Variants in BTAF1 observed in about 807,000 individuals in gnomAD.
BTAF1 encodes B-TFIID TATA-box binding protein associated factor 1.
In BTAF1, 38 loss-of-function variants were observed where a neutral mutation model predicts 227.1. The observed-to-expected ratio is 0.17, with a 90% CI of 0.13 to 0.22. The LOEUF (loss-of-function observed/expected upper bound fraction) is 0.22, where lower values mean the gene tolerates loss of function less well. BTAF1 is among the 10% of genes least tolerant of loss of function. BTAF1 has a pLI of 1.00. For missense variants in BTAF1, 1,598 were observed against 2,204.0 expected (o/e 0.73, Z 5.51); for synonymous variants, 742 against 751.9 (o/e 0.99, Z 0.21).
intron 25 of BTAF1, among the ~76,000 whole-genome samples, chr10:92,006,835 T>G (rs1174550455): frequency 6.6e-6 from 1 of 152,218 alleles, no homozygotes; most frequent in African/African-American, 2.4e-5. Context: ...TTAATATACT[T>G]TCTTTCTCCT....
At chr10:91,926,536 A>G (rs1298603927) in intron 1 of BTAF1, among the ~76,000 whole-genome samples, 1 of 152,134 alleles carries the variant, frequency 6.6e-6, no homozygotes, top group Non-Finnish European at 1.5e-5. Flanking sequence ...TATACCAGTT[A>G]CCACAATCCT....
At chr10:91,972,797 C>G (rs1467525724) in intron 14 of BTAF1, among the ~76,000 whole-genome samples, 2 of 152,178 alleles carry the variant, frequency 1.3e-5, no homozygotes, top group African/African-American at 4.8e-5. Flanking sequence ...GTGGCAAAAC[C>G]TGACCATTCT....
At chr10:92,014,534 CTTTCT>C (rs1446504453) in intron 32 of BTAF1, among the ~76,000 whole-genome samples, 4 of 152,082 alleles carry the variant, frequency 2.6e-5, no homozygotes, top group Admixed American at 2.6e-4. Flanking sequence ...CCTACAGTTG[CTTTCT>C]TTTGTGTCTA....
At chr10:91,927,651 C>A (rs1843948397) in intron 1 of BTAF1, among the ~76,000 whole-genome samples, 1 of 152,148 alleles carries the variant, frequency 6.6e-6, no homozygotes, top group South Asian at 2.1e-4. Flanking sequence ...GATTTTGCTT[C>A]TTGCTTTGGT....
At chr10:91,941,006 G>A (rs1018798604) in intron 3 of BTAF1, among the ~76,000 whole-genome samples, 8 of 152,240 alleles carry the variant, frequency 5.3e-5, no homozygotes, top group South Asian at 4.1e-4. Context: ...CACTGTGCCC[G>A]GCCTCAACTC....
At chr10:91,948,101 T>A (rs1845506453) in intron 4 of BTAF1, among the ~76,000 whole-genome samples, 1 of 152,184 alleles carries the variant, frequency 6.6e-6, no homozygotes, top group African/African-American at 2.4e-5. Context: ...GTTGGTTTGC[T>A]GCACGCATTA....
At chr10:92,022,546 T>G (rs1338256489) in intron 34 of BTAF1, among the ~76,000 whole-genome samples, 1 of 152,146 alleles carries the variant, frequency 6.6e-6, no homozygotes. Context: ...GCCTCCCAAG[T>G]AACTAGGACT....
intron 14 of BTAF1, among the ~76,000 whole-genome samples, chr10:91,975,525 C>A (rs2133957815): frequency 6.6e-6 from 1 of 152,314 alleles, no homozygotes; most frequent in Non-Finnish European, 1.5e-5. Context: ...TGGAAATTTT[C>A]TTTTCCTTTG....
chr10:91,983,415 G>C (rs1474051), intron 18 of BTAF1, among the ~76,000 whole-genome samples: 48,570 of 152,128 alleles, frequency 0.32, 8,865 homozygotes, highest in South Asian at 0.52. Flanking sequence ...GTTACTGCCT[G>C]TTAGCAGTTT....
At chr10:91,951,198 C>T (rs1202453392) in intron 4 of BTAF1, among the ~76,000 whole-genome samples, 2 of 152,144 alleles carry the variant, frequency 1.3e-5, no homozygotes, top group Non-Finnish European at 2.9e-5. Context: ...TCAGTGAAAA[C>T]TCCCAGAATG....
intron 8 of BTAF1, among the ~76,000 whole-genome samples, chr10:91,957,711 A>G (rs1428662154): frequency 6.6e-6 from 1 of 152,170 alleles, no homozygotes; most frequent in Middle Eastern, 3.2e-3. Flanking sequence ...CTCTGCTTGA[A>G]GTTGAGGATT....
chr10:91,976,090 C>T (rs1178870155), intron 14 of BTAF1, among the ~76,000 whole-genome samples: 2 of 152,222 alleles, frequency 1.3e-5, no homozygotes, highest in Non-Finnish European at 2.9e-5. Context: ...TCCCCTGACC[C>T]TCTCCTCAGG....
chr10:91,993,939 TCTAC>T (rs1564702796), intron 22 of BTAF1, 92 bp downstream of exon 22: 1 of 978,774 alleles, frequency 1.0e-6, no homozygotes, highest in Non-Finnish European at 1.4e-6. Context: ...CCTCTATGCC[TCTAC>T]CTGTTTATTC....
chr10:91,957,379 A>G, intron 8 of BTAF1, 86 bp downstream of exon 8: 1 of 1,104,144 alleles, frequency 9.1e-7, no homozygotes, highest in Admixed American at 1.9e-5. Context: ...ACTTTGTCAG[A>G]GTCCCTATTC....
chr10:91,933,065 G>A (rs1468772296), intron 1 of BTAF1, among the ~76,000 whole-genome samples: 1 of 152,174 alleles, frequency 6.6e-6, no homozygotes, highest in Non-Finnish European at 1.5e-5. Context: ...TGGGGATCTG[G>A]CAGAAACTGG....
In BTAF1 at chr10:91,997,641, A is replaced by G. The variant is rs1477478604; in HGVS notation, c.3550A>G (p.Ile1184Val). 15 of 1,613,790 alleles carry G rather than the reference A, an allele frequency of 9.3e-6. No homozygotes were observed. Among genetic ancestry groups the G allele is most frequent in the Non-Finnish European group, 1.2e-5 (14 of 1,179,686 alleles). The change falls in exon 25 of 38, where the codon ATT (isoleucine) becomes GTT (valine). Residue 1184 changes from isoleucine to valine, a missense_variant. Around this residue, in one of 10 missense-constraint regions of BTAF1, gnomAD observed 425 missense variants for 491.2 expected, o/e 0.87. Coordinates refer to ENST00000265990, the MANE Select transcript of BTAF1 (RefSeq NM_003972.3). ...ACTAGATGTTGGTATTGTTCCATATATTGTCCTTTTAGTTGTTCCTGTATT... is the reference window on the plus strand; with the variant it reads ...ACTAGATGTTGGTATTGTTCCATATGTTGTCCTTTTAGTTGTTCCTGTATT... ...EQLDVGIVPY[I>V]VLLVVPVLGR...
At position 91,963,575 on chromosome 10, in the gene BTAF1, T is replaced by C. The variant is rs550053929; in HGVS notation, c.1405-502T>C. Among the ~76,000 whole-genome samples, 61 of 152,148 alleles carry C rather than the reference T, an allele frequency of 4.0e-4. 1 individual carries two copies. Among genetic ancestry groups the C allele is most frequent in the Admixed American group, 1.5e-3 (23 of 15,274 alleles). On this transcript the variant is annotated intron_variant, in intron 12 of 37. Coordinates refer to ENST00000265990, the MANE Select transcript of BTAF1 (RefSeq NM_003972.3). ...TGACTCATCACACCCACCCCTCTAG[T>C]CTCATTTTTTGAAATGACTTTTTTA...
At chr10:92,013,561 A>G in intron 30 of BTAF1, 106 bp from the exon 31 acceptor site, 1 of 1,386,462 alleles carries the variant, frequency 7.2e-7, no homozygotes, top group South Asian at 1.3e-5. Flanking sequence ...ATATAGTGAT[A>G]ATCTCTCATC....
intron 25 of BTAF1, among the ~76,000 whole-genome samples, chr10:91,998,615 G>T (rs1487501562): frequency 6.6e-6 from 1 of 152,120 alleles, no homozygotes; most frequent in African/African-American, 2.4e-5. Context: ...GGAAATAGTA[G>T]GTATGGCATG....
Sources: allele counts gnomAD v4.1 joint callset (sites outside exome capture counted in the v4.1 genomes callset), GRCh38; gene constraint gnomAD v4.1.1; regional missense constraint gnomAD v4.1.1; transcripts MANE v1.5; gene names NCBI Gene and HGNC (gene_info 2026-07-23, HGNC 2026-07-21).